Variants in STIM2 observed in about 807,000 individuals in gnomAD.
The protein encoded by STIM2 is stromal interaction molecule 2.
In STIM2, 31 loss-of-function variants were observed where a neutral mutation model predicts 85.8. That is an observed-to-expected ratio of 0.36 (90% confidence interval 0.27 to 0.49). The LOEUF is 0.49. Among genes scored for constraint, STIM2 ranks in the 20% least tolerant of loss-of-function variants. STIM2 has a pLI of 0.98. For missense variants in STIM2, 841 were observed against 927.6 expected, an observed-to-expected ratio of 0.91 and a Z score of 1.21; for synonymous variants, 356 against 331.1, an observed-to-expected ratio of 1.08 and a Z score of -0.82.
Position 27,007,627 on chromosome 4 carries a change from A to T in STIM2, c.1076A>T (p.His359Leu). 2 of 1,608,266 alleles carry T rather than the reference A, an allele frequency of 1.2e-6. No individual in the cohort carries two copies. The highest frequency in any genetic ancestry group is 1.7e-6 in the Non-Finnish European group (2 of 1,178,020). The stretch of plus-strand genomic sequence containing the variant: ...CTTCAGAAATGGCTTCAGTTAACAC[A>T]TGAAGTAGAAGTGCAATACTACAAT... The change falls in exon 8 of 12, where the codon CAT becomes CTT. Residue 359 changes from histidine (H) to leucine (L), a missense_variant. By Grantham distance (99) the His-to-Leu change is moderately conservative. Around this residue, in one of 3 missense-constraint regions of STIM2, gnomAD observed 408 missense variants for 525.4 expected, o/e 0.78. Transcript: ENST00000467087.
chr4:26,884,497 C>A (rs1168248341), intron 1 of STIM2, among the ~76,000 whole-genome samples: 1 of 152,040 alleles, frequency 6.6e-6, no homozygotes, highest in African/African-American at 2.4e-5. Context: ...AGAAAAGAAC[C>A]AGAATAGGGC....
intron 3 of STIM2, among the ~76,000 whole-genome samples, chr4:26,980,293 G>A (rs901695161): frequency 5.9e-5 from 9 of 152,110 alleles, no homozygotes; most frequent in African/African-American, 1.9e-4. Flanking sequence ...TTACTTCCTA[G>A]ATAATAAAGA....
At chr4:27,012,043 T>C (rs1728574954) in intron 10 of STIM2, among the ~76,000 whole-genome samples, 1 of 152,172 alleles carries the variant, frequency 6.6e-6, no homozygotes, top group Non-Finnish European at 1.5e-5. Context: ...ATATATCTCT[T>C]GATATACGGG....
intron 3 of STIM2, among the ~76,000 whole-genome samples, chr4:26,976,762 A>G (rs1272608791): frequency 6.6e-6 from 1 of 152,094 alleles, no homozygotes. Context: ...CGAGATCATA[A>G]CACTGCACTC....
At chr4:26,885,991 T>C (rs989958937) in intron 1 of STIM2, among the ~76,000 whole-genome samples, 1 of 151,494 alleles carries the variant, frequency 6.6e-6, no homozygotes, top group Non-Finnish European at 1.5e-5. Flanking sequence ...TTTTAGATAC[T>C]TGAGTTTTAA....
intron 2 of STIM2, among the ~76,000 whole-genome samples, chr4:26,936,936 G>A (rs1288434391): frequency 6.6e-6 from 1 of 152,038 alleles, no homozygotes; most frequent in Non-Finnish European, 1.5e-5. Context: ...ATACAGTCAT[G>A]AGCCACCATG....
intron 1 of STIM2, among the ~76,000 whole-genome samples, chr4:26,875,877 T>G (rs75780367): frequency 2.8e-3 from 425 of 152,308 alleles, no homozygotes; most frequent in African/African-American, 9.6e-3. Flanking sequence ...TAGTAATCAT[T>G]TGCGTGTTCT....
chr4:26,955,301 G>A (rs1273912438), intron 2 of STIM2, among the ~76,000 whole-genome samples: 1 of 147,658 alleles, frequency 6.8e-6, no homozygotes, highest in Non-Finnish European at 1.5e-5. Context: ...TGAAATCACA[G>A]AACTGCACGT....
chr4:26,933,528 G>T (rs886271964), intron 2 of STIM2, among the ~76,000 whole-genome samples: 1 of 152,034 alleles, frequency 6.6e-6, no homozygotes, highest in Non-Finnish European at 1.5e-5. Context: ...TAGGTCAAAA[G>T]TGGCTCTACT....
intron 2 of STIM2, among the ~76,000 whole-genome samples, chr4:26,937,953 A>G (rs1725453689): frequency 6.6e-6 from 1 of 151,898 alleles, no homozygotes; most frequent in African/African-American, 2.4e-5. Context: ...GCAACTTTCC[A>G]TTCCTTTTTC....
chr4:26,976,196 C>A (rs772963691), intron 3 of STIM2, among the ~76,000 whole-genome samples: 1 of 152,030 alleles, frequency 6.6e-6, no homozygotes, highest in Non-Finnish European at 1.5e-5. Context: ...CGACCCCTTG[C>A]ACTTCTCGGG....
intron 2 of STIM2, among the ~76,000 whole-genome samples, chr4:26,934,831 T>G (rs928354500): frequency 3.4e-5 from 5 of 148,734 alleles, no homozygotes; most frequent in Non-Finnish European, 7.4e-5. Context: ...GAGAATCACT[T>G]GAACCCGGGA....
chr4:27,009,297 C>T (rs1728482850), intron 10 of STIM2, among the ~76,000 whole-genome samples: 1 of 152,030 alleles, frequency 6.6e-6, no homozygotes, highest in African/African-American at 2.4e-5. Context: ...TTATATATAA[C>T]ATTATATTGT....
intron 2 of STIM2, among the ~76,000 whole-genome samples, chr4:26,922,766 G>T (rs189922499): frequency 2.0e-5 from 3 of 152,160 alleles, no homozygotes; most frequent in Non-Finnish European, 4.4e-5. Flanking sequence ...GCTTTATCCT[G>T]AAACTATTTA....
At chr4:26,970,010 T>G (rs552129423) in intron 3 of STIM2, among the ~76,000 whole-genome samples, 165 of 151,848 alleles carry the variant, frequency 1.1e-3, no homozygotes, top group African/African-American at 3.6e-3. Context: ...AAGTCTTTTT[T>G]AAATATAAAA....
intron 1 of STIM2, among the ~76,000 whole-genome samples, chr4:26,903,027 A>G (rs1425231839): frequency 1.3e-5 from 2 of 152,130 alleles, no homozygotes; most frequent in Non-Finnish European, 2.9e-5. Context: ...ATAATGAATA[A>G]GGTCTTTTCC....
At chr4:26,898,903 T>C (rs1271811567) in intron 1 of STIM2, among the ~76,000 whole-genome samples, 1 of 152,164 alleles carries the variant, frequency 6.6e-6, no homozygotes, top group South Asian at 2.1e-4. Context: ...TCTTTCTAAA[T>C]TCTTGTTAAT....
intron 11 of STIM2, 35 bp downstream of exon 11, chr4:27,018,019 G>T (rs776586617): frequency 5.0e-6 from 8 of 1,607,246 alleles, no homozygotes; most frequent in Middle Eastern, 1.7e-4. Context: ...GGCATGTTGG[G>T]GCTGGGTTGG....
At chr4:26,938,184 T>G (rs1396676994) in intron 2 of STIM2, among the ~76,000 whole-genome samples, 1 of 151,958 alleles carries the variant, frequency 6.6e-6, no homozygotes, top group Non-Finnish European at 1.5e-5. Flanking sequence ...AATTTTCTTT[T>G]TTTTTTTAAA....
Sources: allele counts gnomAD v4.1 joint callset (sites outside exome capture counted in the v4.1 genomes callset), GRCh38; gene constraint gnomAD v4.1.1; regional missense constraint gnomAD v4.1.1; transcripts MANE v1.5; gene names NCBI Gene and HGNC (gene_info 2026-07-23, HGNC 2026-07-21).